Variants in IDH1 observed in about 807,000 individuals in gnomAD.
IDH1 encodes isocitrate dehydrogenase [NADP] cytoplasmic.
In IDH1, 33 loss-of-function variants were observed where a neutral mutation model predicts 46.1. That is an observed-to-expected ratio of 0.72 (90% CI 0.54 to 0.96). The LOEUF (loss-of-function observed/expected upper bound fraction) is 0.96. Ranked by LOEUF, IDH1 falls within the 40% of genes least tolerant of loss-of-function variation. The pLI is 0.00. For missense variants in IDH1, 421 were observed against 515.7 expected (o/e 0.82, Z 1.78); for synonymous variants, 144 against 172.8 (o/e 0.83, Z 1.31).
chr2:208,254,301 ACGCC>A (rs1688174259), intron 1 of IDH1: 1 of 152,984 alleles, frequency 6.5e-6, no homozygotes. Flanking sequence ...CCAGGTCTCC[ACGCC>A]CGCCCCTCCC....
chr2:208,254,850 T>G (rs1410075074), intron 1 of IDH1, 89 bp downstream of exon 1: 1 of 152,344 alleles, frequency 6.6e-6, no homozygotes, highest in African/African-American at 2.4e-5. Context: ...TCTGCGCTTT[T>G]TTCCTTTACC....
chr2:208,241,495 G>C (rs1306467847), intron 7 of IDH1, among the ~76,000 whole-genome samples: 1 of 150,888 alleles, frequency 6.6e-6, no homozygotes, highest in African/African-American at 2.4e-5. Flanking sequence ...GCCTCTCAAA[G>C]TGCTAGGATT....
rs569424950 is a variant in IDH1, at chr2:208,245,451, GA to G, written c.415-28del. 1.5e-3 allele frequency: 1,608 copies of G among 1,069,638 alleles called. 1 individual carries two copies. The highest frequency in any genetic ancestry group is 2.4e-3 in the Middle Eastern group (11 of 4,522). 66.3% of individuals were successfully genotyped at this position (1,069,638 alleles called of 1,614,324 possible). On this transcript the variant is annotated intron_variant, in intron 4 of 9. Transcript: ENST00000345146. ...TGTGTAGAGGGGAAAAAGGTATAAA[GA>G]AAAAAAAAATACCCTAGCAGGAATT...
rs758524291 is a variant in IDH1 at position 208,248,638 on chromosome 2, G to A, written c.145C>T (p.Arg49Cys). 5.0e-6 allele frequency: 8 copies of A among 1,613,996 alleles called. No homozygotes were observed. In the African/African-American group the frequency reaches 6.7e-5, roughly 13 times the overall value. The part of the protein sequence containing the change: ...LHSYDLGIEN[R>C]DATNDQVTKD... Reference sequence around the variant, plus strand: ...GTGACTTGGTCGTTGGTGGCATCACGATTCTCTATGCCTAAATCATAGCTT... The same window carrying A: ...GTGACTTGGTCGTTGGTGGCATCACAATTCTCTATGCCTAAATCATAGCTT... Residue 49 changes from arginine (R) to cysteine (C), a missense_variant, in exon 4 of 10, where the codon CGT (arginine) becomes TGT (cysteine). Physicochemically the swap from Arg to Cys is radical, Grantham distance 180. Transcript: ENST00000345146.
chr2:208,242,046 G>A lies in IDH1; in HGVS notation c.798C>T (p.Ile266=), dbSNP rs1309988275. ...CACCATCATAGTTTTTACAGGCCCA[G>A]ATGAAGCCTCCCTCTGATTTCATAG... The part of the protein sequence containing the change: ...AQAMKSEGGF[I]WACKNYDGDV... Residue 266 remains isoleucine, a synonymous_variant, in exon 7 of 10, where the codon ATC becomes ATT. Coordinates refer to ENST00000345146, the MANE Select transcript of IDH1 (RefSeq NM_005896.4). The A allele has an allele frequency of 1.2e-6, 2 of 1,613,202 alleles. No individual in the cohort carries two copies. Among genetic ancestry groups the A allele is most frequent in the South Asian group, 2.2e-5 (2 of 91,036 alleles).
intron 6 of IDH1, 102 bp downstream of exon 6, chr2:208,243,325 C>G: frequency 1.1e-6 from 1 of 942,060 alleles, no homozygotes; most frequent in Non-Finnish European, 1.6e-6. Flanking sequence ...ATGATTTTCA[C>G]TCAATTTACC....
chr2:208,248,511 A>G lies in IDH1; in HGVS notation c.272T>C (p.Met91Thr), dbSNP rs1187254009. ...KRVEEFKLKQ[M>T]WKSPNGTIRN... ...TATGGTGCCATTTGGTGATTTCCACATTTGTTTCAACTTGAACTCCTCAAC... is the reference window on the plus strand; with the variant it reads ...TATGGTGCCATTTGGTGATTTCCACGTTTGTTTCAACTTGAACTCCTCAAC... The change falls in exon 4 of 10, where the codon ATG becomes ACG. Residue 91 changes from methionine (M) to threonine (T), a missense_variant. Transcript: ENST00000345146. 5.6e-6 allele frequency: 9 copies of G among 1,613,968 alleles called. No individual in the cohort carries two copies. In the Admixed American group the frequency reaches 8.3e-5, roughly 15 times the overall value.
Position 208,245,371 on chromosome 2 carries a change from G to A in IDH1, c.468C>T (p.Tyr156=), listed in dbSNP as rs775678660. The change falls in exon 5 of 10, where the codon TAC becomes TAT. Residue 156 remains tyrosine, a synonymous_variant. Transcript: ENST00000345146. Reference sequence around the variant, plus strand: ...CCTTTTGGGTTCCGTCACTTGGTGTGTAGGTTATCTCTACTTTTCCAGGCC... The same window carrying A: ...CCTTTTGGGTTCCGTCACTTGGTGTATAGGTTATCTCTACTTTTCCAGGCC... ...VPGPGKVEIT[Y]TPSDGTQKVT... 8 of 1,612,610 alleles carry A rather than the reference G, an allele frequency of 5.0e-6. No homozygotes were observed. Among genetic ancestry groups the A allele is most frequent in the Non-Finnish European group, 6.8e-6 (8 of 1,179,272 alleles).
intron 8 of IDH1, 38 bp from the exon 9 acceptor site, chr2:208,239,271 C>T (rs2124847961): frequency 6.2e-7 from 1 of 1,607,218 alleles, no homozygotes; most frequent in East Asian, 2.2e-5. Flanking sequence ...CTCCAATCAT[C>T]CTAGTTATAG....
In IDH1 at chr2:208,248,653, A is replaced by C; in HGVS notation, c.130T>G (p.Leu44Val). ...GTGGCATCACGATTCTCTATGCCTA[A>C]ATCATAGCTTGAAAGAGAAAAATTA... ...YVELDLHSYD[L>V]GIENRDATND... The change falls in exon 4 of 10, where the codon TTA becomes GTA. Residue 44 changes from leucine (L) to valine (V), a missense_variant. Leu to Val is a conservative substitution (Grantham distance 32). Transcript: ENST00000345146. 2 of 1,614,072 alleles carry C rather than the reference A, an allele frequency of 1.2e-6. No individual in the cohort carries two copies. The highest frequency in any genetic ancestry group is 1.7e-6 in the Non-Finnish European group (2 of 1,179,954).
chr2:208,239,823 A>G, intron 8 of IDH1, 40 bp downstream of exon 8: 1 of 1,610,668 alleles, frequency 6.2e-7, no homozygotes, highest in East Asian at 2.2e-5. Context: ...TGCTTTGGAG[A>G]GCACTCTCTG....
Position 208,248,501 on chromosome 2 carries a change from T to C in IDH1, c.282A>G (p.Ser94=), listed in dbSNP as rs779126307. The change falls in exon 4 of 10, where the codon TCA becomes TCG. Residue 94 remains serine (S), a synonymous_variant. Transcript: ENST00000345146. ...GAATATTTCGTATGGTGCCATTTGG[T>C]GATTTCCACATTTGTTTCAACTTGA... The part of the protein sequence containing the change: ...EEFKLKQMWK[S]PNGTIRNILG... The C allele has an allele frequency of 9.3e-6, 15 of 1,614,092 alleles. No homozygotes were observed. In the African/African-American group the frequency reaches 2.0e-4, roughly 22 times the overall value.
At chr2:208,242,990 TC>T (rs1319170592) in intron 6 of IDH1, among the ~76,000 whole-genome samples, 2 of 152,090 alleles carry the variant, frequency 1.3e-5, no homozygotes, top group East Asian at 3.9e-4. Flanking sequence ...GGTCTCGATC[TC>T]CTGACCTCGT....
rs549470603 is a variant in IDH1 at position 208,243,356 on chromosome 2, G to T, written c.698+71C>A. The T allele has an allele frequency of 7.0e-6, 8 of 1,139,470 alleles. No individual in the cohort carries two copies. The East Asian group carries it at 7.1e-5, about 10-fold the overall frequency. The allele number at this position is 1,139,470 out of a possible 1,614,324, so 70.6% of individuals were successfully genotyped here. A position where few individuals can be genotyped will look rare whatever the true frequency, so the allele number is the denominator to read the frequency against. ...TTACCCAGAATCATAGGGATAGGGAGATACATACTCTATATGCAAATGTCA... is the reference window on the plus strand; with the variant it reads ...TTACCCAGAATCATAGGGATAGGGATATACATACTCTATATGCAAATGTCA... On this transcript the variant is annotated intron_variant, in intron 6 of 9. Coordinates refer to ENST00000345146, the MANE Select transcript of IDH1 (RefSeq NM_005896.4).
chr2:208,241,834 C>G (rs923314330), intron 7 of IDH1, among the ~76,000 whole-genome samples, 160 bp downstream of exon 7: 2 of 152,184 alleles, frequency 1.3e-5, no homozygotes, highest in African/African-American at 4.8e-5. Flanking sequence ...AATCATTTCT[C>G]TAGTCTGAGC....
In IDH1 at chr2:208,236,498, G is replaced by T. The variant is rs1160224940; in HGVS notation, c.*581C>A. 1 of 233,144 alleles carries T rather than the reference G, an allele frequency of 4.3e-6. No individual in the cohort carries two copies. The highest frequency in any genetic ancestry group is 8.5e-6 in the Non-Finnish European group (1 of 118,134). The allele number at this position is 233,144 out of a possible 1,614,324, so 14.4% of individuals were successfully genotyped here. On this transcript the variant is annotated 3_prime_UTR_variant, in exon 10 of 10. Transcript: ENST00000345146. ...TATTCCGGATTCCAAACTCTCCTGC[G>T]GCCTAAACAGTATTTAGTCTATTGG... is the stretch of plus-strand genomic sequence containing the variant.
chr2:208,245,544 TTC>T, intron 4 of IDH1, 120 bp from the exon 5 acceptor site: 6 of 486,520 alleles, frequency 1.2e-5, no homozygotes, highest in Admixed American at 4.2e-5. Flanking sequence ...TATGTCAAAC[TTC>T]TTTTTTTTTT....
At chr2:208,242,203 A>G in intron 6 of IDH1, 58 bp from the exon 7 acceptor site, 5 of 1,506,284 alleles carry the variant, frequency 3.3e-6, no homozygotes, top group Non-Finnish European at 4.6e-6. Flanking sequence ...TGTTAGGGAT[A>G]TCATCTGCTT....
Position 208,248,290 on chromosome 2 carries a change from T to A in IDH1, c.414+79A>T, listed in dbSNP as rs889404793. 7 of 1,292,938 alleles carry A rather than the reference T, an allele frequency of 5.4e-6. No homozygotes were observed. The African/African-American group carries it at 1.0e-4, about 19-fold the overall frequency. 80.1% of individuals were successfully genotyped at this position (1,292,938 alleles called of 1,614,324 possible). A position where few individuals can be genotyped will look rare whatever the true frequency, so the allele number is the denominator to read the frequency against. ...GGGTGTAGATACCAAAAGATAAGAA[T>A]AAAACACATACAAGTTGGAAATTTC... On this transcript the variant is annotated intron_variant, in intron 4 of 9. Coordinates refer to ENST00000345146, the MANE Select transcript of IDH1 (RefSeq NM_005896.4).
Sources: gnomAD v4.1 joint callset for allele counts (sites outside exome capture counted in the v4.1 genomes callset) on GRCh38, gnomAD v4.1.1 for gene constraint, MANE v1.5 for transcripts, NCBI Gene and HGNC (gene_info 2026-07-23, HGNC 2026-07-21) for gene names.